The following NPAS3 variants were observed in gnomAD, a reference collection of about 807,000 sequenced individuals.
NPAS3 encodes neuronal PAS domain protein 3.
NPAS3 carries 14 observed loss-of-function variants against 73.1 expected under a neutral mutation model. The ratio of observed to expected loss-of-function variants is 0.19; its 90% CI spans 0.13 to 0.30. The LOEUF (loss-of-function observed/expected upper bound fraction) is 0.30, where lower values mean the gene tolerates loss of function less well. Ranked by LOEUF, NPAS3 falls within the 10% of genes least tolerant of loss-of-function variation. The pLI is 1.00. For missense variants in NPAS3, 1,096 were observed against 1,250.0 expected, an observed-to-expected ratio of 0.88 and a Z score of 1.86; for synonymous variants, 620 against 541.5, an observed-to-expected ratio of 1.14 and a Z score of -2.01.
chr14:33,131,564 A>G (rs568020635), intron 2 of NPAS3, among the ~76,000 whole-genome samples: 5 of 152,314 alleles, frequency 3.3e-5, no homozygotes, highest in South Asian at 4.1e-4. Flanking sequence ...CTCTCCAGAT[A>G]CATTTGTAGA....
Position 33,085,282 on chromosome 14 carries a change from T to A in NPAS3, c.140+29288T>A, listed in dbSNP as rs573543356. On this transcript the variant is annotated intron_variant, in intron 2 of 11. Coordinates refer to ENST00000356141, the Ensembl canonical transcript of NPAS3. ...TTAATATTATTATCTGGCTTATTTG[T>A]AGTCCACTTCACCTGTTTGGTTTAA... Among the ~76,000 whole-genome samples, 4 of 152,362 alleles carry A rather than the reference T, an allele frequency of 2.6e-5. No homozygotes were observed. In the East Asian group the frequency reaches 7.7e-4, roughly 29 times the overall value.
chr14:33,475,724 T>TA (rs748526709), intron 4 of NPAS3, among the ~76,000 whole-genome samples: 23 of 152,148 alleles, frequency 1.5e-4, no homozygotes, highest in Non-Finnish European at 3.2e-4. Flanking sequence ...GAGTTGGGGT[T>TA]AAAGGTAAAC....
intron 4 of NPAS3, among the ~76,000 whole-genome samples, chr14:33,495,570 G>C (rs1415260104): frequency 1.3e-5 from 2 of 151,982 alleles, no homozygotes; most frequent in Non-Finnish European, 2.9e-5. Flanking sequence ...ATTGACAGTG[G>C]GGTGTTAAAT....
intron 6 of NPAS3, among the ~76,000 whole-genome samples, chr14:33,706,127 A>C (rs148972409): frequency 6.6e-6 from 1 of 152,220 alleles, no homozygotes; most frequent in African/African-American, 2.4e-5. Context: ...CCATCAGTAC[A>C]TAAAAGCTTC....
At chr14:33,089,329 G>A (rs1188518619) in intron 2 of NPAS3, among the ~76,000 whole-genome samples, 2 of 152,154 alleles carry the variant, frequency 1.3e-5, no homozygotes, top group Admixed American at 6.5e-5. Context: ...TGAACACCAT[G>A]GCACAAGAAC....
intron 4 of NPAS3, among the ~76,000 whole-genome samples, chr14:33,370,163 A>G (rs761521085): frequency 1.8e-4 from 28 of 152,306 alleles, no homozygotes; most frequent in Non-Finnish European, 3.5e-4. Flanking sequence ...TATGACTGCT[A>G]TCTTTAAATA....
intron 3 of NPAS3, among the ~76,000 whole-genome samples, chr14:33,281,647 T>C (rs1429241718): frequency 6.6e-6 from 1 of 152,194 alleles, no homozygotes; most frequent in Non-Finnish European, 1.5e-5. Flanking sequence ...AAATTTTTTT[T>C]CTGTGCTTAT....
At chr14:33,307,316 C>A (rs1316845905) in intron 3 of NPAS3, among the ~76,000 whole-genome samples, 2 of 152,140 alleles carry the variant, frequency 1.3e-5, no homozygotes, top group Non-Finnish European at 2.9e-5. Flanking sequence ...GCAACTGATA[C>A]TAATAAGTAA....
intron 3 of NPAS3, among the ~76,000 whole-genome samples, chr14:33,355,192 G>A (rs528656512): frequency 3.0e-4 from 45 of 152,124 alleles, no homozygotes; most frequent in Non-Finnish European, 5.7e-4. Flanking sequence ...TCCGTAGCTT[G>A]TTTGCCTGGA....
chr14:33,791,251 C>T (rs888023689), intron 9 of NPAS3, among the ~76,000 whole-genome samples: 11 of 152,310 alleles, frequency 7.2e-5, no homozygotes, highest in East Asian at 1.9e-4. Context: ...CGTGGCTCCC[C>T]GACTCCCCAA....
chr14:33,534,214 CAGT>C (rs1345433208), intron 4 of NPAS3, among the ~76,000 whole-genome samples: 67 of 54,580 alleles, frequency 1.2e-3, no homozygotes, highest in African/African-American at 6.7e-3. Context: ...TTTCACAGAG[CAGT>C]AAAAAAAAAA....
At chr14:33,353,101 C>A (rs1230767989) in intron 3 of NPAS3, among the ~76,000 whole-genome samples, 1 of 151,240 alleles carries the variant, frequency 6.6e-6, no homozygotes, top group Non-Finnish European at 1.5e-5. Flanking sequence ...AAATCTCTTT[C>A]TCACTTGCCA....
In NPAS3 at chr14:33,735,256, T is replaced by C. The variant is rs748317339; in HGVS notation, c.776T>C (p.Leu259Pro). ...AGTCTGCTAACCACTGACAACACTCTTGAGCGTTCCTTTTTCATCCGAATG... is the reference window on the plus strand; with the variant it reads ...AGTCTGCTAACCACTGACAACACTCCTGAGCGTTCCTTTTTCATCCGAATG... Residue 259 changes from leucine (L) to proline (P), a missense_variant, in exon 7 of 12, where the codon CTT (leucine) becomes CCT (proline). Leu to Pro is a moderately conservative substitution (Grantham distance 98, BLOSUM62 -3). Around this residue, in one of 5 missense-constraint regions of NPAS3, gnomAD observed 215 missense variants for 260.0 expected, o/e 0.83. Transcript: ENST00000356141. 21 of 1,613,590 alleles carry C rather than the reference T, an allele frequency of 1.3e-5. No individual in the cohort carries two copies. The Admixed American group carries it at 1.8e-4, about 14-fold the overall frequency.
At chr14:33,720,295 G>T (rs1195073400) in intron 6 of NPAS3, among the ~76,000 whole-genome samples, 1 of 152,148 alleles carries the variant, frequency 6.6e-6, no homozygotes, top group African/African-American at 2.4e-5. Context: ...TCCAACTGCG[G>T]TGATCAGCAA....
intron 4 of NPAS3, among the ~76,000 whole-genome samples, chr14:33,402,117 CA>C (rs2047471508): frequency 6.6e-6 from 1 of 152,010 alleles, no homozygotes; most frequent in African/African-American, 2.4e-5. Flanking sequence ...ATTCTTGGTA[CA>C]AAGTCCTTCT....
chr14:33,347,131 A>G (rs1306608028), intron 3 of NPAS3, among the ~76,000 whole-genome samples: 1 of 152,242 alleles, frequency 6.6e-6, no homozygotes, highest in Non-Finnish European at 1.5e-5. Flanking sequence ...AGGGATTAAA[A>G]GAAAAGCAAA....
chr14:32,972,627 C>A (rs948162834), intron 1 of NPAS3, among the ~76,000 whole-genome samples: 1 of 152,206 alleles, frequency 6.6e-6, no homozygotes, highest in East Asian at 1.9e-4. Flanking sequence ...CCCCTGCTCA[C>A]CCATTGCTCT....
chr14:33,069,090 A>G (rs1254783811), intron 2 of NPAS3, among the ~76,000 whole-genome samples: 1 of 152,180 alleles, frequency 6.6e-6, no homozygotes, highest in East Asian at 1.9e-4. Flanking sequence ...CTGAGGGTGG[A>G]AGCAGGGGAC....
intron 5 of NPAS3, among the ~76,000 whole-genome samples, chr14:33,565,148 T>C (rs1404851613): frequency 2.0e-5 from 3 of 152,170 alleles, no homozygotes; most frequent in African/African-American, 7.2e-5. Context: ...GAGGTGAAGG[T>C]GAAAGGGGGT....
Sources: allele counts gnomAD v4.1 joint callset (sites outside exome capture counted in the v4.1 genomes callset), GRCh38; gene constraint gnomAD v4.1.1; regional missense constraint gnomAD v4.1.1; transcripts MANE v1.5; gene names NCBI Gene and HGNC (gene_info 2026-07-23, HGNC 2026-07-21).